The following GTF3C2 variants were observed in gnomAD, a reference collection of about 807,000 sequenced individuals.
GTF3C2 encodes general transcription factor IIIC subunit 2.
In GTF3C2, 17 loss-of-function variants were observed where a neutral mutation model predicts 117.4. The observed-to-expected ratio is 0.14, with a 90% CI of 0.10 to 0.22. The LOEUF (loss-of-function observed/expected upper bound fraction) is 0.22, where lower values mean the gene tolerates loss of function less well. Among genes scored for constraint, GTF3C2 ranks in the 10% least tolerant of loss-of-function variants. The pLI is 1.00. For missense variants in GTF3C2, 888 were observed against 1,143.6 expected (o/e 0.78, Z 3.22); for synonymous variants, 437 against 427.0 (o/e 1.02, Z -0.29).
intron 15 of GTF3C2, 66 bp from the exon 16 acceptor site, chr2:27,328,662 G>T: frequency 7.3e-7 from 1 of 1,362,834 alleles, no homozygotes; most frequent in Non-Finnish European, 1.0e-6. Flanking sequence ...GGTAACAGCT[G>T]CACAGTCTGA....
In GTF3C2 at chr2:27,342,911, G is replaced by C. The variant is rs368126288; in HGVS notation, c.484C>G (p.Arg162Gly). ...CTCTTTGGAGATTGAGATTCTGGCC[G>C]ATCTAGGTCTTTTGACAACTTCAGC... The change falls in exon 3 of 19, where the codon CGG becomes GGG. Residue 162 changes from arginine (R) to glycine (G), a missense_variant. Coordinates refer to ENST00000264720, the Ensembl canonical transcript of GTF3C2. 280 of 1,614,006 alleles carry C rather than the reference G, an allele frequency of 1.7e-4. No individual in the cohort carries two copies. Among genetic ancestry groups the C allele is most frequent in the Non-Finnish European group, 2.1e-4 (249 of 1,179,974 alleles).
intron 1 of GTF3C2, 151 bp from the exon 2 acceptor site, chr2:27,343,729 T>C (rs1433698396): frequency 1.2e-5 from 8 of 642,404 alleles, no homozygotes; most frequent in Non-Finnish European, 2.1e-5. Context: ...AAGCACCTTC[T>C]ATATGTCAGG....
intron 3 of GTF3C2, chr2:27,342,535 G>A: frequency 1.8e-6 from 1 of 545,356 alleles, no homozygotes; most frequent in East Asian, 3.0e-5. Flanking sequence ...GAATGGAACA[G>A]AATATATATA....
chr2:27,356,469 C>G, intron 1 of GTF3C2: 2 of 241,544 alleles, frequency 8.3e-6, no homozygotes, highest in South Asian at 1.0e-4. Flanking sequence ...GCGCCTACGC[C>G]CGGACACAGG....
intron 10 of GTF3C2, among the ~76,000 whole-genome samples, chr2:27,335,083 A>G (rs550790419): frequency 1.3e-3 from 196 of 152,314 alleles, no homozygotes; most frequent in African/African-American, 4.4e-3. Flanking sequence ...TCTTCTTTAA[A>G]TACTCAGTAC....
rs373080834 is a variant in GTF3C2 at position 27,337,226 on chromosome 2, C to T, written c.1127+18G>A. The stretch of plus-strand genomic sequence containing the variant: ...TGGCTCCTAGAATCAGAAAAAAGGG[C>T]GGATGTGCAATCTTCACCTGTTTAT... On this transcript the variant is annotated intron_variant, in intron 7 of 18. Coordinates refer to ENST00000264720, the Ensembl canonical transcript of GTF3C2. The T allele has an allele frequency of 6.3e-6, 9 of 1,431,878 alleles. No individual in the cohort carries two copies. Among genetic ancestry groups the T allele is most frequent in the Admixed American group, 1.8e-5 (1 of 54,136 alleles). The allele number at this position is 1,431,878 out of a possible 1,614,324, so 88.7% of individuals were successfully genotyped here. A position where few individuals can be genotyped will look rare whatever the true frequency, so the allele number is the denominator to read the frequency against.
rs150613047 is a variant in GTF3C2 at position 27,337,224 on chromosome 2, G to T, written c.1127+20C>A. On this transcript the variant is annotated intron_variant, in intron 7 of 18. Transcript: ENST00000264720. ...TCTGGCTCCTAGAATCAGAAAAAAG[G>T]GCGGATGTGCAATCTTCACCTGTTT... The T allele has an allele frequency of 2.4e-4, 337 of 1,408,292 alleles. No individual in the cohort carries two copies. The East Asian group carries it at 7.6e-3, about 32-fold the overall frequency. 87.2% of individuals were successfully genotyped at this position (1,408,292 alleles called of 1,614,324 possible). A position where few individuals can be genotyped will look rare whatever the true frequency, so the allele number is the denominator to read the frequency against.
intron 17 of GTF3C2, 112 bp downstream of exon 17, chr2:27,327,925 C>T (rs1477070430): frequency 4.7e-5 from 40 of 842,530 alleles, no homozygotes; most frequent in Non-Finnish European, 7.1e-5. Context: ...TGCACCTGGC[C>T]GAGGCTCCTT....
At position 27,326,366 on chromosome 2, in the gene GTF3C2, T is replaced by C. The variant is rs1680072885; in HGVS notation, c.*309A>G. On this transcript the variant is annotated 3_prime_UTR_variant, in exon 19 of 19. Transcript: ENST00000264720. ...GTACCTTTACTTGGCTTTACCCACT[T>C]AACAATATGCTCAATATGAGCAGTT... The C allele has an allele frequency of 1.0e-5, 5 of 498,916 alleles. No homozygotes were observed. In the East Asian group the frequency reaches 2.0e-4, roughly 20 times the overall value. 30.9% of individuals were successfully genotyped at this position (498,916 alleles called of 1,614,324 possible).
rs1680206261 is a variant in GTF3C2 at position 27,329,494 on chromosome 2, T to G, written c.1762A>C (p.Asn588His). The G allele has an allele frequency of 2.5e-6, 4 of 1,614,058 alleles. No homozygotes were observed. Among genetic ancestry groups the G allele is most frequent in the Non-Finnish European group, 3.4e-6 (4 of 1,179,964 alleles). Residue 588 changes from asparagine to histidine, a missense_variant, in exon 13 of 19, where the codon AAC (asparagine) becomes CAC (histidine). Asn to His is a moderately conservative substitution (Grantham distance 68). Around this residue, in one of 7 missense-constraint regions of GTF3C2, gnomAD observed 277 missense variants for 445.4 expected, o/e 0.62. Transcript: ENST00000264720. The surrounding 1 kb of genome is among the most constrained non-coding windows in gnomAD (Gnocchi z 4.5). Reference sequence around the variant, plus strand: ...AGCCGTATCCGCTGCAGGGGTGAGTTAGTGGGAAGGTTCCAGAAAACCACC... The same window carrying G: ...AGCCGTATCCGCTGCAGGGGTGAGTGAGTGGGAAGGTTCCAGAAAACCACC...
At chr2:27,346,700 A>T (rs77697846) in intron 1 of GTF3C2, among the ~76,000 whole-genome samples, 4,424 of 148,194 alleles carry the variant, frequency 0.03, 192 homozygotes, top group African/African-American at 0.095. Context: ...ATTAAAAAAA[A>T]TTTTTTTTTT....
chr2:27,340,856 G>A (rs1421763080), intron 4 of GTF3C2: 2 of 150,586 alleles, frequency 1.3e-5, no homozygotes, highest in Non-Finnish European at 2.9e-5. Flanking sequence ...TCGAACTCTT[G>A]ACCTTGTGAT....
intron 1 of GTF3C2, chr2:27,350,568 G>C (rs1450113272): frequency 3.9e-5 from 35 of 905,164 alleles, no homozygotes; most frequent in Non-Finnish European, 4.4e-5. Context: ...GGGAGGCCAA[G>C]GTGGGAGGAT....
Position 27,343,594 on chromosome 2 carries a change from CACAAATGAGTAGAGG to C in GTF3C2, c.-24-31_-24-17del. The C allele has an allele frequency of 6.2e-7, 1 of 1,606,214 alleles. No homozygotes were observed. The highest frequency in any genetic ancestry group is 8.5e-7 in the Non-Finnish European group (1 of 1,174,114). The stretch of plus-strand genomic sequence containing the variant: ...ATGGCTGCCCCTGCATACAGAGACA[CACAAATGAGTAGAGG>C]ACAAAAACTATTTGTACTAGCTCAG... On this transcript the variant is annotated splice_polypyrimidine_tract_variant and intron_variant, in intron 1 of 18. Coordinates refer to ENST00000264720, the Ensembl canonical transcript of GTF3C2.
intron 1 of GTF3C2, among the ~76,000 whole-genome samples, chr2:27,353,112 A>T (rs1475728484): frequency 6.6e-6 from 1 of 152,194 alleles, no homozygotes; most frequent in African/African-American, 2.4e-5. Flanking sequence ...TAGCAACAAA[A>T]GGCCGGGCGC....
chr2:27,346,677 T>C (rs1339738540), intron 1 of GTF3C2, among the ~76,000 whole-genome samples: 2 of 151,722 alleles, frequency 1.3e-5, no homozygotes, highest in Non-Finnish European at 1.5e-5. Flanking sequence ...CTTGCCTTTT[T>C]TAATTTTTAA....
intron 9 of GTF3C2, 85 bp downstream of exon 9, chr2:27,335,832 T>C (rs1680448130): frequency 9.1e-7 from 1 of 1,100,036 alleles, no homozygotes; most frequent in African/African-American, 1.6e-5. Flanking sequence ...ACTCCAACCT[T>C]CGTTCCTTCA....
chr2:27,342,806 C>CT lies in GTF3C2; in HGVS notation c.569+19dup. The CT allele has an allele frequency of 6.3e-7, 1 of 1,596,050 alleles. No individual in the cohort carries two copies. Among genetic ancestry groups the CT allele is most frequent in the Non-Finnish European group, 8.6e-7 (1 of 1,166,768 alleles). Reference sequence around the variant, plus strand: ...CTTCACCCAACCCCCCTCCACCAAGCTATGCCCCACAATCCTTACACTTGG... The same window carrying CT: ...CTTCACCCAACCCCCCTCCACCAAGCTTATGCCCCACAATCCTTACACTTGG... On this transcript the variant is annotated intron_variant, in intron 3 of 18. Coordinates refer to ENST00000264720, the Ensembl canonical transcript of GTF3C2.
intron 1 of GTF3C2, chr2:27,356,196 G>A (rs777850190): frequency 2.7e-4 from 217 of 817,294 alleles, no homozygotes; most frequent in Non-Finnish European, 1.3e-4. Flanking sequence ...ACTAGACAGG[G>A]AAACACAACT....
Sources: allele counts gnomAD v4.1 joint callset (sites outside exome capture counted in the v4.1 genomes callset), GRCh38; gene constraint gnomAD v4.1.1; regional missense constraint gnomAD v4.1.1; non-coding constraint Gnocchi (gnomAD v3.1); transcripts MANE v1.5; gene names NCBI Gene and HGNC (gene_info 2026-07-23, HGNC 2026-07-21).